Variants in HMGCLL1 observed in about 807,000 individuals in gnomAD.
HMGCLL1 encodes 3-hydroxy-3-methylglutaryl-CoA lyase like 1, also known as 3-hydroxymethyl-3-methylglutaryl-CoA lyase, cytoplasmic.
A neutral mutation model predicts 39.1 loss-of-function variants in HMGCLL1; 36 were observed. That is an observed-to-expected ratio of 0.92 (90% CI 0.71 to 1.22). HMGCLL1 has a LOEUF of 1.22. Among genes scored for constraint, HMGCLL1 ranks in the 50% most tolerant of loss-of-function variants. The pLI is 0.00. For missense variants in HMGCLL1, 451 were observed against 416.5 expected (o/e 1.08, Z -0.72); for synonymous variants, 149 against 144.0 (o/e 1.03, Z -0.25).
At chr6:55,503,658 TGCATTCACATA>T (rs1311247103) in intron 5 of HMGCLL1, among the ~76,000 whole-genome samples, 3 of 151,680 alleles carry the variant, frequency 2.0e-5, no homozygotes, top group Non-Finnish European at 4.4e-5. Context: ...ACAAGCTTGA[TGCATTCACATA>T]GCATATTTAG....
chr6:55,636,527 T>C, the HMGCLL1 span, among the ~76,000 whole-genome samples: 1 of 152,154 alleles, frequency 6.6e-6, no homozygotes, highest in East Asian at 1.9e-4. Context: ...TCTTTTAAAT[T>C]CAATTGCTGG....
At chr6:55,551,547 G>C (rs986766779) in intron 1 of HMGCLL1, among the ~76,000 whole-genome samples, 1 of 151,908 alleles carries the variant, frequency 6.6e-6, no homozygotes, top group South Asian at 2.1e-4. Context: ...AGGGAAAGGA[G>C]GGGGAGGAGA....
At chr6:55,576,982 T>C in intron 1 of HMGCLL1, 1 of 1,505,674 alleles carries the variant, frequency 6.6e-7, no homozygotes, top group Non-Finnish European at 9.1e-7. Context: ...TAGAAAACAC[T>C]GGTACACAAA....
intron 7 of HMGCLL1, among the ~76,000 whole-genome samples, chr6:55,491,417 TAA>T (rs994577424): frequency 1.3e-5 from 2 of 152,152 alleles, no homozygotes; most frequent in Non-Finnish European, 2.9e-5. Flanking sequence ...TTGGTCTTTC[TAA>T]AAGAGAATAG....
the HMGCLL1 span, among the ~76,000 whole-genome samples, chr6:55,615,540 G>T: frequency 6.6e-6 from 1 of 152,088 alleles, no homozygotes; most frequent in Non-Finnish European, 1.5e-5. Context: ...TAATTAGGAC[G>T]GTTGGTAAGA....
At chr6:55,501,986 G>C (rs981362909) in intron 5 of HMGCLL1, among the ~76,000 whole-genome samples, 1 of 151,742 alleles carries the variant, frequency 6.6e-6, no homozygotes, top group African/African-American at 2.4e-5. Flanking sequence ...CTTTTCTGAA[G>C]CTGCAAACTC....
chr6:55,650,894 T>A, the HMGCLL1 span, among the ~76,000 whole-genome samples: 3 of 151,488 alleles, frequency 2.0e-5, no homozygotes, highest in Non-Finnish European at 2.9e-5. Flanking sequence ...TTCTGTCAGC[T>A]TTTGGTGAAT....
intron 1 of HMGCLL1, among the ~76,000 whole-genome samples, chr6:55,567,127 C>G (rs965003006): frequency 6.6e-6 from 1 of 151,862 alleles, no homozygotes; most frequent in African/African-American, 2.4e-5. Context: ...TCTATTCAAC[C>G]ATATTGTAAA....
At chr6:55,615,806 A>G in the HMGCLL1 span, among the ~76,000 whole-genome samples, 9 of 152,104 alleles carry the variant, frequency 5.9e-5, no homozygotes, top group Admixed American at 3.3e-4. Context: ...CAGAAGACTG[A>G]AAGCTTATTC....
chr6:55,611,982 G>A, the HMGCLL1 span, among the ~76,000 whole-genome samples: 1 of 152,070 alleles, frequency 6.6e-6, no homozygotes, highest in Admixed American at 6.6e-5. Flanking sequence ...AAGAAATAAA[G>A]GGTATTCAAA....
chr6:55,640,191 G>A, the HMGCLL1 span, among the ~76,000 whole-genome samples: 18 of 152,162 alleles, frequency 1.2e-4, 1 homozygote, highest in East Asian at 1.9e-3. Context: ...ATGGGAGGAG[G>A]AATTTGGCAG....
intron 7 of HMGCLL1, among the ~76,000 whole-genome samples, chr6:55,454,834 T>C (rs1764252427): frequency 6.6e-6 from 1 of 152,224 alleles, no homozygotes; most frequent in Non-Finnish European, 1.5e-5. Context: ...GATTTACACA[T>C]GTATTCCACC....
chr6:55,607,214 A>C, the HMGCLL1 span, among the ~76,000 whole-genome samples: 1 of 152,230 alleles, frequency 6.6e-6, no homozygotes, highest in Middle Eastern at 3.4e-3. Flanking sequence ...TTTTCCTGTT[A>C]AAAAAAGTTT....
chr6:55,561,801 C>A (rs1770962447), intron 1 of HMGCLL1, among the ~76,000 whole-genome samples: 1 of 152,014 alleles, frequency 6.6e-6, no homozygotes, highest in Non-Finnish European at 1.5e-5. Flanking sequence ...CTAATTTCTT[C>A]TTTCATTTTA....
intron 7 of HMGCLL1, among the ~76,000 whole-genome samples, chr6:55,460,321 T>C (rs1764502259): frequency 6.6e-6 from 1 of 151,940 alleles, no homozygotes; most frequent in Non-Finnish European, 1.5e-5. Flanking sequence ...AAAAATATCA[T>C]TTATCTTCAA....
chr6:55,559,986 A>G (rs1284945406), intron 1 of HMGCLL1, among the ~76,000 whole-genome samples: 2 of 152,198 alleles, frequency 1.3e-5, no homozygotes, highest in Admixed American at 1.3e-4. Flanking sequence ...CTAAGCATAG[A>G]GCTTTGTTAA....
intron 8 of HMGCLL1, among the ~76,000 whole-genome samples, chr6:55,438,217 A>G (rs954866024): frequency 8.5e-5 from 13 of 152,088 alleles, no homozygotes; most frequent in Admixed American, 7.2e-4. Flanking sequence ...TGTAAATGAA[A>G]TAACATTTAT....
intron 3 of HMGCLL1, among the ~76,000 whole-genome samples, chr6:55,533,424 A>G (rs62404043): frequency 0.023 from 3,553 of 152,288 alleles, 55 homozygotes; most frequent in Non-Finnish European, 0.037. Context: ...TGTGCTAACA[A>G]AAGAGCAACA....
chr6:55,506,719 C>T lies in HMGCLL1; in HGVS notation c.542+7329G>A, dbSNP rs949572719. On this transcript the variant is annotated intron_variant, in intron 5 of 8. Transcript: ENST00000274901. ...TCTCAGTGCTTGTGTTTAAGTAACA[C>T]TTATTTTACTTAATGATGGACCCAA... Among the ~76,000 whole-genome samples, 3 of 151,602 alleles carry T rather than the reference C, an allele frequency of 2.0e-5. No individual in the cohort carries two copies. The East Asian group carries it at 5.8e-4, about 29-fold the overall frequency.
Sources: gnomAD v4.1 joint callset for allele counts (sites outside exome capture counted in the v4.1 genomes callset) on GRCh38, gnomAD v4.1.1 for gene constraint, MANE v1.5 for transcripts, NCBI Gene and HGNC (gene_info 2026-07-23, HGNC 2026-07-21) for gene names.